PDE10A: variants seen among roughly 807,000 people sequenced by gnomAD.
PDE10A encodes the protein cAMP and cAMP-inhibited cGMP 3',5'-cyclic phosphodiesterase 10A.
In PDE10A, 39 loss-of-function variants were observed where a neutral mutation model predicts 97.7. That is an observed-to-expected ratio of 0.40 (90% CI 0.31 to 0.52). PDE10A has a LOEUF of 0.52. PDE10A is among the 20% of genes least tolerant of loss of function. PDE10A has a pLI of 0.56. For missense variants in PDE10A, 731 were observed against 1,047.8 expected (o/e 0.70, Z 4.17); for synonymous variants, 371 against 376.8 (o/e 0.98, Z 0.18).
chr6:165,576,588 AGCATG>A, intron 1 of PDE10A: 1 of 659,498 alleles, frequency 1.5e-6, no homozygotes, highest in Non-Finnish European at 2.8e-6. Flanking sequence ...GATAATTCTC[AGCATG>A]GCTACACTTT....
intron 2 of PDE10A, among the ~76,000 whole-genome samples, chr6:165,490,734 C>T (rs1583395805): frequency 1.3e-5 from 2 of 152,160 alleles, no homozygotes. Context: ...GCAGGTGGAT[C>T]ATTTGAGGAC....
chr6:165,574,952 C>T (rs975110304), intron 1 of PDE10A, among the ~76,000 whole-genome samples: 25 of 152,152 alleles, frequency 1.6e-4, no homozygotes, highest in Non-Finnish European at 8.8e-5. Flanking sequence ...AAATTATTTA[C>T]TCCCTCCTGT....
chr6:165,603,628 G>C (rs1364648129), intron 1 of PDE10A, among the ~76,000 whole-genome samples: 2 of 152,242 alleles, frequency 1.3e-5, no homozygotes, highest in Non-Finnish European at 2.9e-5. Context: ...AATCTGGGAG[G>C]GGAGCAGCGT....
rs1582940476 is a variant in PDE10A, at chr6:165,692,272, A to G, written c.-614-148704T>C. On this transcript the variant is annotated intron_variant, in intron 1 of 19. Transcript: ENST00000366882. ...TCCTATCCTCCATGGTGAGATTATA[A>G]AGGAGCCTGAGGCTGGGATCAAGCG... Among the ~76,000 whole-genome samples, 3 of 152,296 alleles carry G rather than the reference A, an allele frequency of 2.0e-5. No individual in the cohort carries two copies. In the East Asian group the frequency reaches 5.8e-4, roughly 29 times the overall value.
At chr6:165,412,016 G>GA (rs1206530740) in intron 13 of PDE10A, among the ~76,000 whole-genome samples, 7 of 151,476 alleles carry the variant, frequency 4.6e-5, no homozygotes, top group Non-Finnish European at 4.4e-5. Flanking sequence ...AGGTATCTAA[G>GA]AAAAAAGTTT....
rs1316618925 is a variant in PDE10A, at chr6:165,819,454, G to A, written c.-615+168075C>T. Among the ~76,000 whole-genome samples, 2 of 152,080 alleles carry A rather than the reference G, an allele frequency of 1.3e-5. No individual in the cohort carries two copies. The highest frequency in any genetic ancestry group is 2.4e-5 in the African/African-American group (1 of 41,406). ...CAATCCGTCCTCCAGACGGCCGCTG[G>A]CACCACTCTCCGAGACACGCTTGCA... On this transcript the variant is annotated intron_variant, in intron 1 of 19. Coordinates refer to the PDE10A transcript ENST00000366882. This position sits in a 1 kb window ranked among gnomAD's most constrained non-coding sequence, Gnocchi z 4.2.
At chr6:165,618,070 G>T (rs1248451768) in intron 1 of PDE10A, among the ~76,000 whole-genome samples, 3 of 152,134 alleles carry the variant, frequency 2.0e-5, no homozygotes, top group Non-Finnish European at 4.4e-5. Flanking sequence ...AGGCAGAGAA[G>T]AATCTAGTGA....
At chr6:165,973,792 C>T (rs1404507844) in intron 1 of PDE10A, among the ~76,000 whole-genome samples, 1 of 152,238 alleles carries the variant, frequency 6.6e-6, no homozygotes, top group Non-Finnish European at 1.5e-5. Context: ...TTTATGAATA[C>T]AGTAACATAG....
chr6:165,628,060 T>C (rs1272422302), intron 1 of PDE10A, among the ~76,000 whole-genome samples: 1 of 152,224 alleles, frequency 6.6e-6, no homozygotes, highest in Non-Finnish European at 1.5e-5. Flanking sequence ...TGAATTATAG[T>C]AACCTTAAAT....
intron 1 of PDE10A, among the ~76,000 whole-genome samples, chr6:165,801,735 T>C (rs1339237226): frequency 5.3e-5 from 8 of 152,192 alleles, no homozygotes; most frequent in Non-Finnish European, 1.0e-4. Flanking sequence ...ATATGGACAA[T>C]TGGTTCTAAG....
intron 1 of PDE10A, among the ~76,000 whole-genome samples, chr6:165,749,842 T>C (rs1039369653): frequency 6.6e-6 from 1 of 152,252 alleles, no homozygotes; most frequent in Non-Finnish European, 1.5e-5. Context: ...TCAAATTCTG[T>C]CTTATTCTTT....
At chr6:165,336,466 CTG>C (rs1781654212) in intron 20 of PDE10A, among the ~76,000 whole-genome samples, 1 of 152,294 alleles carries the variant, frequency 6.6e-6, no homozygotes, top group East Asian at 1.9e-4. Flanking sequence ...CTACTGAAAT[CTG>C]GCCGGGCGCG....
At chr6:165,440,316 G>A (rs1320335427) in intron 5 of PDE10A, among the ~76,000 whole-genome samples, 1 of 145,326 alleles carries the variant, frequency 6.9e-6, no homozygotes, top group East Asian at 2.1e-4. Context: ...CAGTATTTCT[G>A]GTGAATGTTT....
At chr6:165,433,155 A>G (rs749481695) in intron 6 of PDE10A, 26 bp from the exon 7 acceptor site, 2 of 1,576,254 alleles carry the variant, frequency 1.3e-6, no homozygotes, top group Admixed American at 3.5e-5. Context: ...ACAAAAAGAC[A>G]TAAATTCAGT....
chr6:165,496,447 T>C (rs959293825), intron 2 of PDE10A, among the ~76,000 whole-genome samples: 1 of 152,218 alleles, frequency 6.6e-6, no homozygotes, highest in Non-Finnish European at 1.5e-5. Flanking sequence ...TTTTCAAACT[T>C]GCCTCCCTTA....
chr6:165,906,077 CCTCCCTCCCTCCCTTCCTTTCTTCCTTT>C lies in PDE10A; in HGVS notation c.-615+81424_-615+81451del, dbSNP rs1562792221. Among the ~76,000 whole-genome samples, 36 of 30,818 alleles carry C rather than the reference CCTCCCTCCCTCCCTTCCTTTCTTCCTTT, an allele frequency of 1.2e-3. 1 individual carries two copies. The highest frequency in any genetic ancestry group is 3.1e-3 in the African/African-American group (29 of 9,296). 20.2% of individuals were successfully genotyped at this position (30,818 alleles called of 152,430 possible). A position where few individuals can be genotyped will look rare whatever the true frequency, so the allele number is the denominator to read the frequency against. On this transcript the variant is annotated intron_variant, in intron 1 of 19. Coordinates refer to the PDE10A transcript ENST00000366882. ...CCCTCCCTCCCTCCGTCCCTTCCTT[CCTCCCTCCCTCCCTTCCTTTCTTCCTTT>C]CTTCCTTCCTTCCTCCCTTCCTTAT...
chr6:165,447,345 T>G (rs967106321), intron 5 of PDE10A, among the ~76,000 whole-genome samples: 1 of 152,180 alleles, frequency 6.6e-6, no homozygotes, highest in Admixed American at 6.5e-5. Context: ...CGGCTAGAAT[T>G]GCTGAGTCCA....
chr6:165,469,631 G>T (rs371315658), intron 3 of PDE10A, among the ~76,000 whole-genome samples: 99 of 152,106 alleles, frequency 6.5e-4, no homozygotes, highest in African/African-American at 2.2e-3. Context: ...AGAATGAGTG[G>T]TTTTCCATCT....
At chr6:165,751,986 T>C (rs527606388) in intron 1 of PDE10A, among the ~76,000 whole-genome samples, 65 of 150,058 alleles carry the variant, frequency 4.3e-4, no homozygotes, top group African/African-American at 1.5e-3. Flanking sequence ...AAAAAAAAAG[T>C]GAAAAAACTA....
Sources: gnomAD v4.1 joint callset for allele counts (sites outside exome capture counted in the v4.1 genomes callset) on GRCh38, gnomAD v4.1.1 for gene constraint, Gnocchi (gnomAD v3.1) non-coding constraint, MANE v1.5 for transcripts, NCBI Gene and HGNC (gene_info 2026-07-23, HGNC 2026-07-21) for gene names.